Variants in COPG2 observed in about 807,000 individuals in gnomAD.
The protein encoded by COPG2 is coatomer subunit gamma-2.
COPG2 carries 37 observed loss-of-function variants against 46.3 expected under a neutral mutation model. That is an observed-to-expected ratio of 0.80 (90% CI 0.61 to 1.05). The LOEUF is 1.05. Ranked by LOEUF, COPG2 falls within the 50% of genes least tolerant of loss-of-function variation. COPG2 has a pLI of 0.00. For synonymous variants in COPG2, 159 were observed against 129.7 expected, an observed-to-expected ratio of 1.23 and a Z score of -1.53; for missense variants, 427 against 387.8, an observed-to-expected ratio of 1.10 and a Z score of -0.85.
chr7:130,659,167 A>AAC (rs1795919190), intron 4 of COPG2, among the ~76,000 whole-genome samples: 1 of 151,836 alleles, frequency 6.6e-6, no homozygotes, highest in Non-Finnish European at 1.5e-5. Context: ...CATCCTGGCT[A>AAC]ACACAGTGAA....
intron 9 of COPG2, among the ~76,000 whole-genome samples, chr7:130,576,779 T>G (rs1457096761): frequency 6.6e-6 from 1 of 151,584 alleles, no homozygotes; most frequent in Non-Finnish European, 1.5e-5. Flanking sequence ...CTAAATGAAA[T>G]TGAAACAAAC....
intron 9 of COPG2, among the ~76,000 whole-genome samples, chr7:130,602,512 G>A (rs1479542466): frequency 2.0e-5 from 3 of 151,744 alleles, no homozygotes; most frequent in Non-Finnish European, 2.9e-5. Flanking sequence ...TCACTCTGTT[G>A]CCCAGGTTGG....
chr7:130,599,764 T>C (rs1439346914), intron 9 of COPG2, among the ~76,000 whole-genome samples: 1 of 152,194 alleles, frequency 6.6e-6, no homozygotes, highest in Non-Finnish European at 1.5e-5. Flanking sequence ...GAAATTAGGA[T>C]AGTAATTTGC....
In COPG2 at chr7:130,569,462, A is replaced by G. The variant is rs1031770256; in HGVS notation, c.738-5069T>C. ...ACACAAACCAGAAAATCTAGAGGTG[A>G]TGGATAAATTCCTGGAAATATACAA... On this transcript the variant is annotated intron_variant, in intron 9 of 23. Transcript: ENST00000425248. Among the ~76,000 whole-genome samples the G allele has an allele frequency of 5.3e-5, 8 of 152,242 alleles. No individual in the cohort carries two copies. The South Asian group carries it at 1.7e-3, about 32-fold the overall frequency.
At chr7:130,569,824 C>A in intron 9 of COPG2, among the ~76,000 whole-genome samples, 1 of 152,222 alleles carries the variant, frequency 6.6e-6, no homozygotes. Flanking sequence ...TATAACTAAC[C>A]AAATTCAACA....
chr7:130,546,570 C>T (rs1175729022), intron 20 of COPG2, among the ~76,000 whole-genome samples: 1 of 152,092 alleles, frequency 6.6e-6, no homozygotes, highest in Non-Finnish European at 1.5e-5. Flanking sequence ...AGAGTTCCAC[C>T]CAGGGCCAGA....
At chr7:130,557,515 AT>A (rs1156531453) in intron 12 of COPG2, among the ~76,000 whole-genome samples, 2 of 152,272 alleles carry the variant, frequency 1.3e-5, no homozygotes, top group East Asian at 3.9e-4. Context: ...CATTAGAAAA[AT>A]AAACATGTGG....
At chr7:130,609,309 G>A (rs918069289) in intron 9 of COPG2, among the ~76,000 whole-genome samples, 1 of 152,180 alleles carries the variant, frequency 6.6e-6, no homozygotes, top group African/African-American at 2.4e-5. Flanking sequence ...ATGGGGGCAA[G>A]TGTTTCCCAT....
intron 20 of COPG2, among the ~76,000 whole-genome samples, chr7:130,542,332 G>A (rs956865343): frequency 2.0e-5 from 3 of 151,678 alleles, no homozygotes; most frequent in South Asian, 2.1e-4. Flanking sequence ...AAACATTGAG[G>A]ACCGTGTGTC....
chr7:130,623,288 T>C (rs1795067025), intron 5 of COPG2, among the ~76,000 whole-genome samples: 1 of 152,190 alleles, frequency 6.6e-6, no homozygotes, highest in South Asian at 2.1e-4. Context: ...ACAGATGGGA[T>C]GCTGTCTTAG....
Position 130,663,006 on chromosome 7 carries a change from T to C in COPG2, c.204A>G (p.Glu68=). ...GEHFGTTEAT[E]AFFAMTRLFQ... ...ACAATCGCGTCATTGCAAAGAAGGCTTCTGTAGCTTCCGTTGTTCCAAAGT... is the reference window on the plus strand; with the variant it reads ...ACAATCGCGTCATTGCAAAGAAGGCCTCTGTAGCTTCCGTTGTTCCAAAGT... Residue 68 remains glutamate (E), a synonymous_variant, in exon 4 of 24, where the codon GAA becomes GAG. Transcript: ENST00000425248. The C allele has an allele frequency of 6.5e-7, 1 of 1,548,796 alleles. No individual in the cohort carries two copies. Among genetic ancestry groups the C allele is most frequent in the Admixed American group, 2.1e-5 (1 of 48,042 alleles).
chr7:130,635,548 G>T (rs913362873), intron 5 of COPG2, among the ~76,000 whole-genome samples: 1 of 152,112 alleles, frequency 6.6e-6, no homozygotes, highest in African/African-American at 2.4e-5. Flanking sequence ...TGTGGGATCA[G>T]TGGTGATATC....
intron 20 of COPG2, among the ~76,000 whole-genome samples, chr7:130,534,608 TAGTC>T (rs1799861069): frequency 6.6e-6 from 1 of 151,968 alleles, no homozygotes; most frequent in South Asian, 2.1e-4. Context: ...AATCCAGTGG[TAGTC>T]AGGGTGGCAG....
chr7:130,517,308 G>A (rs951285923), intron 20 of COPG2, among the ~76,000 whole-genome samples: 1 of 152,164 alleles, frequency 6.6e-6, no homozygotes, highest in East Asian at 1.9e-4. Flanking sequence ...TGGCAACTAG[G>A]CAGATCAGAT....
chr7:130,657,706 T>A (rs1207456994), intron 4 of COPG2, among the ~76,000 whole-genome samples: 1 of 151,536 alleles, frequency 6.6e-6, no homozygotes, highest in African/African-American at 2.4e-5. Context: ...AACAATCCAA[T>A]TTTTTTAATG....
chr7:130,576,605 A>C (rs1483978579), intron 9 of COPG2, among the ~76,000 whole-genome samples: 1 of 152,210 alleles, frequency 6.6e-6, no homozygotes, highest in African/African-American at 2.4e-5. Flanking sequence ...TCAAAAGCTC[A>C]AAAGTTCAAA....
At chr7:130,609,176 C>G (rs546286559) in intron 9 of COPG2, among the ~76,000 whole-genome samples, 94 of 152,236 alleles carry the variant, frequency 6.2e-4, no homozygotes, top group African/African-American at 2.2e-3. Flanking sequence ...CCACCGCACC[C>G]AGCCCCTTTC....
chr7:130,539,289 A>T (rs1799913740), intron 20 of COPG2, among the ~76,000 whole-genome samples: 1 of 151,924 alleles, frequency 6.6e-6, no homozygotes, highest in Non-Finnish European at 1.5e-5. Flanking sequence ...GAAGAGGAGG[A>T]AGTGGCGGGA....
rs191901345 is a variant in COPG2, at chr7:130,605,355, G to A, written c.737+5598C>T. Reference sequence around the variant, plus strand: ...TTCCTAGAACTGATGAATATGTTACGTTACAACATGGCAAAGGAACTGTGC... The same window carrying A: ...TTCCTAGAACTGATGAATATGTTACATTACAACATGGCAAAGGAACTGTGC... On this transcript the variant is annotated intron_variant, in intron 9 of 23. Transcript: ENST00000425248. The A allele has an allele frequency of 6.0e-5, 29 of 480,820 alleles. No individual in the cohort carries two copies. The East Asian group carries it at 8.8e-4, about 15-fold the overall frequency. The allele number at this position is 480,820 out of a possible 1,614,324, so 29.8% of individuals were successfully genotyped here. A position where few individuals can be genotyped will look rare whatever the true frequency, so the allele number is the denominator to read the frequency against.
Sources: gnomAD v4.1 joint callset for allele counts (sites outside exome capture counted in the v4.1 genomes callset) on GRCh38, gnomAD v4.1.1 for gene constraint, MANE v1.5 for transcripts, NCBI Gene and HGNC (gene_info 2026-07-23, HGNC 2026-07-21) for gene names.